Variants in MRPL18 observed in about 807,000 individuals in gnomAD.
MRPL18 encodes the protein large ribosomal subunit protein uL18m.
Under a neutral mutation model 20.9 loss-of-function variants are expected in MRPL18, and 16 were observed. The ratio of observed to expected loss-of-function variants is 0.76; its 90% confidence interval spans 0.52 to 1.16. The LOEUF (loss-of-function observed/expected upper bound fraction) is 1.16, where lower values mean the gene tolerates loss of function less well. MRPL18 is among the 50% of genes most tolerant of loss of function. The pLI is 0.00. For synonymous variants in MRPL18, 91 were observed against 87.1 expected, an observed-to-expected ratio of 1.04 and a Z score of -0.25; for missense variants, 233 against 230.6, an observed-to-expected ratio of 1.01 and a Z score of -0.07.
chr6:159,798,415 TATTATGA>T lies in MRPL18; in HGVS notation c.*294_*300del. 3.2e-6 allele frequency: 1 copy of T among 307,918 alleles called. No individual in the cohort carries two copies. 19.1% of individuals were successfully genotyped at this position (307,918 alleles called of 1,614,324 possible). On this transcript the variant is annotated 3_prime_UTR_variant, in exon 4 of 4. Coordinates refer to ENST00000367034, the MANE Select transcript of MRPL18 (RefSeq NM_014161.5). Reference sequence around the variant, plus strand: ...GTTTATAAATTACAAAATAAAGGCATATTATGAACTCTTATTTTCTGGTTATATGACA... The same window carrying T: ...GTTTATAAATTACAAAATAAAGGCATACTCTTATTTTCTGGTTATATGACA...
chr6:159,790,206 T>TG (rs1368811938), upstream of MRPL18: 1 of 303,360 alleles, frequency 3.3e-6, no homozygotes, highest in East Asian at 7.4e-5. Context: ...GGTGCCCAGG[T>TG]GGGGTGTGTG....
chr6:159,798,251 T>A lies in MRPL18; in HGVS notation c.*128T>A. ...GCAATAATGTTGCAGTGGAATATTA[T>A]TTGTAGTTAAGGTCATCCTCCTCCC... On this transcript the variant is annotated 3_prime_UTR_variant, in exon 4 of 4. Transcript: ENST00000367034. 2.8e-6 allele frequency: 2 copies of A among 706,692 alleles called. No homozygotes were observed. The highest frequency in any genetic ancestry group is 4.6e-6 in the Non-Finnish European group (2 of 434,382). 43.8% of individuals were successfully genotyped at this position (706,692 alleles called of 1,614,324 possible). A position where few individuals can be genotyped will look rare whatever the true frequency, so the allele number is the denominator to read the frequency against.
At chr6:159,796,434 C>T (rs577824101) in intron 2 of MRPL18, among the ~76,000 whole-genome samples, 55 of 149,554 alleles carry the variant, frequency 3.7e-4, no homozygotes, top group African/African-American at 1.1e-3. Context: ...GAGCCAAGTT[C>T]GTGCCTCTGT....
chr6:159,795,359 T>C (rs1453739293), intron 2 of MRPL18, among the ~76,000 whole-genome samples: 1 of 152,256 alleles, frequency 6.6e-6, no homozygotes, highest in Non-Finnish European at 1.5e-5. Flanking sequence ...GGGAGAAACC[T>C]TGGACAATAC....
At chr6:159,795,398 G>T (rs1781006142) in intron 2 of MRPL18, among the ~76,000 whole-genome samples, 1 of 152,254 alleles carries the variant, frequency 6.6e-6, no homozygotes, top group Non-Finnish European at 1.5e-5. Flanking sequence ...GGTCCCTGCG[G>T]CCTTCCGCAG....
Position 159,790,578 on chromosome 6 carries a change from C to T in MRPL18, c.-10C>T, listed in dbSNP as rs1207521613. On this transcript the variant is annotated 5_prime_UTR_variant, in exon 1 of 4. Transcript: ENST00000367034. The stretch of plus-strand genomic sequence containing the variant: ...AAAAGAGGCGAGGCTTTTCCGAGAT[C>T]GTCTCAGCGATGGCGCTTCGGTCGC... 1 of 1,611,836 alleles carries T rather than the reference C, an allele frequency of 6.2e-7. No individual in the cohort carries two copies. The highest frequency in any genetic ancestry group is 1.3e-5 in the African/African-American group (1 of 74,330).
chr6:159,796,638 T>C (rs1429582446), intron 2 of MRPL18, among the ~76,000 whole-genome samples: 2 of 150,114 alleles, frequency 1.3e-5, no homozygotes, highest in Non-Finnish European at 3.0e-5. Flanking sequence ...ATAAAAATTA[T>C]CTTGGTGCAG....
At position 159,797,332 on chromosome 6, in the gene MRPL18, G is replaced by C; in HGVS notation, c.285G>C (p.Glu95Asp). The C allele has an allele frequency of 1.2e-6, 2 of 1,614,214 alleles. No individual in the cohort carries two copies. Among genetic ancestry groups the C allele is most frequent in the Non-Finnish European group, 1.7e-6 (2 of 1,180,034 alleles). The change falls in exon 3 of 4, where the codon GAG (glutamate) becomes GAC (aspartate). Residue 95 changes from glutamate to aspartate, a missense_variant. Transcript: ENST00000367034. ...RTQHHVEALV[E>D]HQNGKVVVSA... ...AGCATCATGTAGAAGCACTTGTGGA[G>C]CATCAGAATGGCAAGGTTGTGGTTT...
chr6:159,792,868 G>A (rs368368378), intron 2 of MRPL18, among the ~76,000 whole-genome samples: 3 of 152,182 alleles, frequency 2.0e-5, no homozygotes, highest in East Asian at 1.9e-4. Flanking sequence ...CAGTGGTACA[G>A]TATCAGCTGG....
Position 159,790,569 on chromosome 6 carries a change from T to C in MRPL18, c.-19T>C, listed in dbSNP as rs1165641258. On this transcript the variant is annotated 5_prime_UTR_variant, in exon 1 of 4. Transcript: ENST00000367034. Reference sequence around the variant, plus strand: ...CCGTGAGGAAAAAGAGGCGAGGCTTTTCCGAGATCGTCTCAGCGATGGCGC... The same window carrying C: ...CCGTGAGGAAAAAGAGGCGAGGCTTCTCCGAGATCGTCTCAGCGATGGCGC... 3 of 1,613,814 alleles carry C rather than the reference T, an allele frequency of 1.9e-6. No individual in the cohort carries two copies. Among genetic ancestry groups the C allele is most frequent in the African/African-American group, 1.3e-5 (1 of 74,952 alleles).
chr6:159,789,890 T>C (rs574584608), upstream of MRPL18: 31 of 212,128 alleles, frequency 1.5e-4, no homozygotes, highest in South Asian at 2.2e-3. Context: ...CTAGAAAAGG[T>C]TGTAAGAAGG....
chr6:159,790,645 T>TAGTCTTGCCCCC lies in MRPL18; in HGVS notation c.52+7_52+18dup. ...CTCGGTTTGCAGGAACCCTGGTAAT[T>TAGTCTTGCCCCC]AGTCTTGCCCCCCTTCTCCCAGCTC... On this transcript the variant is annotated splice_region_variant and intron_variant, in intron 1 of 3. Coordinates refer to ENST00000367034, the MANE Select transcript of MRPL18 (RefSeq NM_014161.5). 4 of 1,614,088 alleles carry TAGTCTTGCCCCC rather than the reference T, an allele frequency of 2.5e-6. No homozygotes were observed. Among genetic ancestry groups the TAGTCTTGCCCCC allele is most frequent in the Non-Finnish European group, 2.5e-6 (3 of 1,179,978 alleles).
chr6:159,790,303 G>C (rs1414055729), upstream of MRPL18, among the ~76,000 whole-genome samples: 1 of 152,156 alleles, frequency 6.6e-6, no homozygotes, highest in Non-Finnish European at 1.5e-5. Context: ...CCGGACTTAA[G>C]CAACAAGCGT....
chr6:159,790,739 A>C, intron 1 of MRPL18, 100 bp downstream of exon 1: 1 of 1,527,320 alleles, frequency 6.5e-7, no homozygotes. Flanking sequence ...GCCGGATCGA[A>C]ATAGAGCTCG....
upstream of MRPL18, chr6:159,790,364 C>A: frequency 1.6e-6 from 1 of 634,904 alleles, no homozygotes; most frequent in Non-Finnish European, 2.8e-6. Flanking sequence ...GCCTGCGTGC[C>A]CCTCGACGTG....
chr6:159,790,924 T>A lies in MRPL18; in HGVS notation c.53-16T>A, dbSNP rs1467643588. The A allele has an allele frequency of 6.2e-7, 1 of 1,613,726 alleles. No homozygotes were observed. The highest frequency in any genetic ancestry group is 2.2e-5 in the East Asian group (1 of 44,878). On this transcript the variant is annotated splice_polypyrimidine_tract_variant and intron_variant, in intron 1 of 3. Coordinates refer to ENST00000367034, the MANE Select transcript of MRPL18 (RefSeq NM_014161.5). Reference sequence around the variant, plus strand: ...CCGTCATTTTTAAGCCCTGTGCGGTTTTTCCCGTTGCCCAGGGTGCAGGTT... The same window carrying A: ...CCGTCATTTTTAAGCCCTGTGCGGTATTTCCCGTTGCCCAGGGTGCAGGTT...
Position 159,791,300 on chromosome 6 carries a change from T to A in MRPL18, c.239+174T>A, listed in dbSNP as rs186140579. On this transcript the variant is annotated intron_variant, in intron 2 of 3. Transcript: ENST00000367034. The stretch of plus-strand genomic sequence containing the variant: ...GATGGGGGCTATTTAAAGAGGATGT[T>A]ACAGTAGCGGACAGGATACCTGCCT... Among the ~76,000 whole-genome samples the A allele has an allele frequency of 5.3e-5, 8 of 152,284 alleles. 1 individual carries two copies. In the East Asian group the frequency reaches 1.5e-3, roughly 29 times the overall value.
At chr6:159,794,920 T>A (rs546567528) in intron 2 of MRPL18, among the ~76,000 whole-genome samples, 12 of 152,324 alleles carry the variant, frequency 7.9e-5, no homozygotes, top group African/African-American at 2.4e-4. Flanking sequence ...CATTCGTGGG[T>A]GTTTCTCTGA....
In MRPL18 at chr6:159,798,109, A is replaced by G. The variant is rs1222887202; in HGVS notation, c.529A>G (p.Arg177Gly). Residue 177 changes from arginine to glycine, a missense_variant, in exon 4 of 4, where the codon AGA (arginine) becomes GGA (glycine). Coordinates refer to ENST00000367034, the MANE Select transcript of MRPL18 (RefSeq NM_014161.5). ...TGGTGTGGTTCTACGGGAACCTCAG[A>G]GAATCTATGAATAAATGGAAGCATT... ...EGGVVLREPQ[R>G]IYE 2 of 1,612,412 alleles carry G rather than the reference A, an allele frequency of 1.2e-6. No individual in the cohort carries two copies. The highest frequency in any genetic ancestry group is 4.5e-5 in the East Asian group (2 of 44,864).
Sources: gnomAD v4.1 joint callset for allele counts (sites outside exome capture counted in the v4.1 genomes callset) on GRCh38, gnomAD v4.1.1 for gene constraint, MANE v1.5 for transcripts, NCBI Gene and HGNC (gene_info 2026-07-23, HGNC 2026-07-21) for gene names.